NECAB1: variants seen among roughly 807,000 people sequenced by gnomAD.
NECAB1 encodes N-terminal EF-hand calcium-binding protein 1.
A neutral mutation model predicts 57.5 loss-of-function variants in NECAB1; 29 were observed. The observed-to-expected ratio is 0.50, with a 90% CI of 0.38 to 0.69. The LOEUF is 0.69. Ranked by LOEUF, NECAB1 falls within the 30% of genes least tolerant of loss-of-function variation. NECAB1 has a pLI of 0.00. For synonymous variants in NECAB1, 142 were observed against 147.7 expected (o/e 0.96, Z 0.28); for missense variants, 372 against 413.8 (o/e 0.90, Z 0.88).
At chr8:90,822,055 T>A (rs1167388502) in intron 2 of NECAB1, among the ~76,000 whole-genome samples, 1 of 151,860 alleles carries the variant, frequency 6.6e-6, no homozygotes, top group African/African-American at 2.4e-5. Context: ...ACAAAGCATG[T>A]AATTCCAGTT....
intron 8 of NECAB1, among the ~76,000 whole-genome samples, chr8:90,933,444 G>A (rs905985816): frequency 6.6e-6 from 1 of 152,160 alleles, no homozygotes; most frequent in African/African-American, 2.4e-5. Flanking sequence ...GATGGGACTG[G>A]AGACTATTAT....
chr8:90,949,146 T>TTGTGTGTGTGTGTG (rs59311652), intron 10 of NECAB1, among the ~76,000 whole-genome samples: 3 of 129,876 alleles, frequency 2.3e-5, no homozygotes, highest in Non-Finnish European at 4.9e-5. Context: ...AACAGGCACT[T>TTGTGTGTGTGTGTG]TGTGTGTGTG....
intron 5 of NECAB1, among the ~76,000 whole-genome samples, chr8:90,909,993 TTTTC>T (rs943793166): frequency 1.3e-4 from 20 of 152,150 alleles, no homozygotes; most frequent in South Asian, 2.1e-4. Flanking sequence ...CTTTTATTTG[TTTTC>T]TTTGTTATTT....
At chr8:90,917,399 TG>T in intron 5 of NECAB1, 92 bp from the exon 6 acceptor site, 1 of 1,099,680 alleles carries the variant, frequency 9.1e-7, no homozygotes, top group Non-Finnish European at 1.2e-6. Flanking sequence ...AGGATCAATC[TG>T]GGATTGATGG....
intron 3 of NECAB1, among the ~76,000 whole-genome samples, chr8:90,828,092 T>C (rs1034733684): frequency 2.6e-5 from 4 of 151,786 alleles, no homozygotes; most frequent in Admixed American, 2.6e-4. Context: ...GAAATCAATA[T>C]GTTCATTTGA....
intron 5 of NECAB1, among the ~76,000 whole-genome samples, chr8:90,906,912 T>TATATATATATATATATATATA (rs1554574099): frequency 7.0e-6 from 1 of 143,832 alleles, no homozygotes; most frequent in African/African-American, 2.6e-5. Context: ...TATATATATC[T>TATATATATATATATATATATA]TCTCACTTTA....
At chr8:90,939,254 A>G (rs1205663812) in intron 9 of NECAB1, among the ~76,000 whole-genome samples, 1 of 152,240 alleles carries the variant, frequency 6.6e-6, no homozygotes, top group African/African-American at 2.4e-5. Context: ...TTCATATGGT[A>G]ATCTCAGAGA....
intron 3 of NECAB1, among the ~76,000 whole-genome samples, chr8:90,826,102 C>T (rs1486900900): frequency 6.6e-6 from 1 of 151,688 alleles, no homozygotes. Context: ...TTACAAATTC[C>T]TTAGGTAAAG....
chr8:90,892,637 T>C (rs1327900835), intron 5 of NECAB1, among the ~76,000 whole-genome samples: 2 of 152,230 alleles, frequency 1.3e-5, no homozygotes, highest in Non-Finnish European at 2.9e-5. Context: ...GTCCTTAATG[T>C]TGGTCACGTC....
rs368464048 is a variant in NECAB1 at position 90,861,781 on chromosome 8, A to G, written c.234-10347A>G. 2.5e-4 allele frequency among the ~76,000 whole-genome samples: 38 copies of G among 152,286 alleles called. 4 individuals are homozygous for G. Among genetic ancestry groups the G allele is most frequent in the Admixed American group, 2.0e-3 (30 of 15,294 alleles). On this transcript the variant is annotated intron_variant, in intron 3 of 12. Coordinates refer to ENST00000417640, the MANE Select transcript of NECAB1 (RefSeq NM_022351.5). ...GAATTCTGGCTTAGAAATGTAAGTA[A>G]CCTGCCTAAGATCACACATCTGGTA...
rs561166843 is a variant in NECAB1, at chr8:90,924,299, T to G, written c.495-1236T>G. Among the ~76,000 whole-genome samples, 3 of 152,300 alleles carry G rather than the reference T, an allele frequency of 2.0e-5. No homozygotes were observed. The Middle Eastern group carries it at 0.01, about 518-fold the overall frequency. On this transcript the variant is annotated intron_variant, in intron 6 of 12. Coordinates refer to ENST00000417640, the MANE Select transcript of NECAB1 (RefSeq NM_022351.5). ...GTTTCAAGAATTTTACCTTTCATTA[T>G]GCACCTTTTCTTATGAAGCAATTAG...
chr8:90,844,640 T>A (rs1331123951), intron 3 of NECAB1, among the ~76,000 whole-genome samples: 1 of 152,186 alleles, frequency 6.6e-6, no homozygotes, highest in African/African-American at 2.4e-5. Context: ...CTTACAGGCT[T>A]GACCTACAGG....
chr8:90,875,648 CG>C (rs1808709744), intron 4 of NECAB1, among the ~76,000 whole-genome samples: 1 of 151,366 alleles, frequency 6.6e-6, no homozygotes, highest in Non-Finnish European at 1.5e-5. Flanking sequence ...CTCATCTAGT[CG>C]GGTGTTATCT....
chr8:90,870,410 G>A (rs909289252), intron 3 of NECAB1, among the ~76,000 whole-genome samples: 2 of 152,026 alleles, frequency 1.3e-5, no homozygotes, highest in African/African-American at 4.8e-5. Flanking sequence ...ATCATATAAG[G>A]CCTTTTATTA....
chr8:90,951,244 T>G (rs71528761), intron 12 of NECAB1, 40 bp downstream of exon 12: 310,760 of 1,224,956 alleles, frequency 0.25, 42,260 homozygotes, highest in Admixed American at 0.41. Context: ...TGTCCTTTTG[T>G]ATTTTTGTTT....
At chr8:90,928,135 AGGGT>A in intron 7 of NECAB1, 84 bp from the exon 8 acceptor site, 29 of 974,014 alleles carry the variant, frequency 3.0e-5, no homozygotes, top group Non-Finnish European at 4.6e-5. Flanking sequence ...TCTTTCCTTC[AGGGT>A]TGAAGGAAAG....
chr8:90,918,489 G>C (rs1343742668), intron 6 of NECAB1, among the ~76,000 whole-genome samples: 1 of 152,094 alleles, frequency 6.6e-6, no homozygotes, highest in African/African-American at 2.4e-5. Flanking sequence ...AAATACCGTA[G>C]AGAAGAGGAA....
chr8:90,938,260 T>C (rs1048897958), intron 9 of NECAB1, among the ~76,000 whole-genome samples: 1 of 152,214 alleles, frequency 6.6e-6, no homozygotes, highest in African/African-American at 2.4e-5. Context: ...GCCATACTTC[T>C]ATTGCAACAA....
intron 3 of NECAB1, among the ~76,000 whole-genome samples, chr8:90,849,826 C>CT (rs1247722671): frequency 6.6e-6 from 1 of 151,118 alleles, no homozygotes; most frequent in Non-Finnish European, 1.5e-5. Context: ...CCCGAGTACA[C>CT]TATTACATAT....
Sources: allele counts gnomAD v4.1 joint callset (sites outside exome capture counted in the v4.1 genomes callset), GRCh38; gene constraint gnomAD v4.1.1; transcripts MANE v1.5; gene names NCBI Gene and HGNC (gene_info 2026-07-23, HGNC 2026-07-21).